The following KIF12 variants were observed in gnomAD, a reference collection of about 807,000 sequenced individuals.
KIF12 encodes the protein kinesin family member 12, also known as kinesin-like protein KIF12.
In KIF12, 80 loss-of-function variants were observed where a neutral mutation model predicts 87.9. The ratio of observed to expected loss-of-function variants is 0.91; its 90% CI spans 0.76 to 1.10. The LOEUF (loss-of-function observed/expected upper bound fraction) is 1.10, where lower values mean the gene tolerates loss of function less well. KIF12 is among the 50% of genes least tolerant of loss of function. The pLI, the probability that KIF12 is intolerant of heterozygous loss-of-function variation, is 0.00. For synonymous variants in KIF12, 353 were observed against 348.5 expected, an observed-to-expected ratio of 1.01 and a Z score of -0.14; for missense variants, 819 against 865.3, an observed-to-expected ratio of 0.95 and a Z score of 0.67.
rs1176138810 is a variant in KIF12, at chr9:114,094,172, G to A, written c.1313+9C>T. On this transcript the variant is annotated intron_variant, in intron 13 of 18. Transcript: ENST00000640217. Reference sequence around the variant, plus strand: ...AGCAGCATCCCTCTGGCTGTGGGCTGTGCCCTACCTGAGCCTCTCATTCTC... The same window carrying A: ...AGCAGCATCCCTCTGGCTGTGGGCTATGCCCTACCTGAGCCTCTCATTCTC... 1 of 1,611,514 alleles carries A rather than the reference G, an allele frequency of 6.2e-7. No homozygotes were observed. The highest frequency in any genetic ancestry group is 1.1e-5 in the South Asian group (1 of 91,040).
rs1847004218 is a variant in KIF12, at chr9:114,091,703, C to T, written c.*158G>A. 1 of 662,444 alleles carries T rather than the reference C, an allele frequency of 1.5e-6. No homozygotes were observed. The highest frequency in any genetic ancestry group is 2.5e-6 in the Non-Finnish European group (1 of 408,136). The allele number at this position is 662,444 out of a possible 1,614,324, so 41.0% of individuals were successfully genotyped here. On this transcript the variant is annotated 3_prime_UTR_variant, in exon 19 of 19. Coordinates refer to ENST00000640217, the MANE Select transcript of KIF12 (RefSeq NM_001388308.1). ...TGCTGCCTGGTTTCTCCTGAATCCC[C>T]TTGTTCCCCTAAATAGCACCCCCAG...
rs746718846 is a variant in KIF12, at chr9:114,093,977, G to C, written c.1314-5C>G. 1.9e-6 allele frequency: 3 copies of C among 1,613,548 alleles called. No individual in the cohort carries two copies. The Admixed American group carries it at 5.0e-5, about 27-fold the overall frequency. On this transcript the variant is annotated splice_polypyrimidine_tract_variant and splice_region_variant and intron_variant, in intron 13 of 18. Transcript: ENST00000640217. ...TGCAGCTGGCTCTTTTCTTTCCTAG[G>C]GGAGATCACAAGCCAGGAAGGGGTA...
chr9:114,094,821 T>C (rs904515189), intron 11 of KIF12, among the ~76,000 whole-genome samples: 1 of 152,166 alleles, frequency 6.6e-6, no homozygotes, highest in Non-Finnish European at 1.5e-5. Flanking sequence ...ACTCCAACCC[T>C]AGACCTGCCC....
chr9:114,096,618 G>A (rs1239848591), intron 7 of KIF12, 140 bp from the exon 8 acceptor site: 1 of 703,674 alleles, frequency 1.4e-6, no homozygotes, highest in Non-Finnish European at 2.5e-6. Context: ...TGTTGTTCAG[G>A]GAACGATGGG....
rs190594880 is a variant in KIF12 at position 114,095,142 on chromosome 9, C to T, written c.1015-15G>A. ...ACGCAGGCCACCTGGGGAGTGCACT[C>T]CCCCTGAGCGCTCCTCTCTGAGGGC... On this transcript the variant is annotated splice_polypyrimidine_tract_variant and intron_variant, in intron 10 of 18. Coordinates refer to ENST00000640217, the MANE Select transcript of KIF12 (RefSeq NM_001388308.1). 92 of 1,606,566 alleles carry T rather than the reference C, an allele frequency of 5.7e-5. No individual in the cohort carries two copies. The African/African-American group carries it at 8.9e-4, about 16-fold the overall frequency.
chr9:114,096,016 G>C (rs1847211082), intron 9 of KIF12, 35 bp downstream of exon 9: 1 of 1,583,902 alleles, frequency 6.3e-7, no homozygotes, highest in Admixed American at 1.7e-5. Flanking sequence ...ACAGAGGAGA[G>C]ACAGGAAATC....
chr9:114,093,555 T>C, intron 14 of KIF12, 58 bp from the exon 15 acceptor site: 1 of 1,380,992 alleles, frequency 7.2e-7, no homozygotes, highest in South Asian at 1.2e-5. Flanking sequence ...CAAGCTGGCT[T>C]TCAAATCCCC....
In KIF12 at chr9:114,095,300, G is replaced by T. The variant is rs202118457; in HGVS notation, c.928C>A (p.Arg310=). ...CGGAAAGGGATGTGGCTCTGCTTCC[G>T]CTGTGGGTCCAGCAGCAGGGAGATG... ...HCISLLLDPQ[R]KQSHIPFRDS... is the part of the protein sequence containing the mutation. The change falls in exon 10 of 19, where the codon CGG becomes AGG. Residue 310 remains arginine (R), a synonymous_variant. Transcript: ENST00000640217. 11 of 1,613,638 alleles carry T rather than the reference G, an allele frequency of 6.8e-6. No homozygotes were observed. Among genetic ancestry groups the T allele is most frequent in the East Asian group, 4.5e-5 (2 of 44,876 alleles).
In KIF12 at chr9:114,094,219, C is replaced by G. The variant is rs760675645; in HGVS notation, c.1275G>C (p.Gly425=). The G allele has an allele frequency of 8.7e-6, 14 of 1,613,856 alleles. No homozygotes were observed. Among genetic ancestry groups the G allele is most frequent in the South Asian group, 7.7e-5 (7 of 91,090 alleles). The change falls in exon 13 of 19, where the codon GGG becomes GGC. Residue 425 remains glycine, a synonymous_variant. Transcript: ENST00000640217. ...RVAWAQRNLY[G]MLQEFMLENE... is the part of the protein sequence containing the mutation. The stretch of plus-strand genomic sequence containing the variant: ...TCTCTAGCATGAACTCCTGTAGCAT[C>G]CCGTACAGGTTCCGCTGGGCCCAGG...
In KIF12 at chr9:114,094,333, T is replaced by C. The variant is rs1847119103; in HGVS notation, c.1222+20A>G. On this transcript the variant is annotated intron_variant, in intron 12 of 18. Coordinates refer to ENST00000640217, the MANE Select transcript of KIF12 (RefSeq NM_001388308.1). Reference sequence around the variant, plus strand: ...CCCAGACCCTATCCCCATCCTACTCTGCCTCCAGGAAGCCCATACCCTTGC... The same window carrying C: ...CCCAGACCCTATCCCCATCCTACTCCGCCTCCAGGAAGCCCATACCCTTGC... 1 of 1,611,168 alleles carries C rather than the reference T, an allele frequency of 6.2e-7. No homozygotes were observed. Among genetic ancestry groups the C allele is most frequent in the Non-Finnish European group, 8.5e-7 (1 of 1,177,410 alleles).
rs996809667 is a variant in KIF12 at position 114,099,088 on chromosome 9, G to C, written c.92+16C>G. The stretch of plus-strand genomic sequence containing the variant: ...CCTTGTCTCGCCCAGGTGCCTCCTA[G>C]CCAATTTATACCCACCTGAGCACCA... On this transcript the variant is annotated intron_variant, in intron 2 of 18. Transcript: ENST00000640217. 2 of 1,550,442 alleles carry C rather than the reference G, an allele frequency of 1.3e-6. No individual in the cohort carries two copies. Among genetic ancestry groups the C allele is most frequent in the Admixed American group, 3.9e-5 (2 of 50,986 alleles).
At position 114,095,229 on chromosome 9, in the gene KIF12, G is replaced by C. The variant is rs145086953; in HGVS notation, c.999C>G (p.Arg333=). ...TKLLADSLGG[R]GVTLMVACVS... is the part of the protein sequence containing the mutation. ...GCTTAAGTACCATGAGGGTGACCCC[G>C]CGCCCTCCCAGTGAGTCTGCCAGCA... Residue 333 remains arginine (R), a synonymous_variant, in exon 10 of 19, where the codon CGC becomes CGG. Transcript: ENST00000640217. 9.9e-6 allele frequency: 16 copies of C among 1,613,692 alleles called. No individual in the cohort carries two copies. Among genetic ancestry groups the C allele is most frequent in the Non-Finnish European group, 1.4e-5 (16 of 1,179,992 alleles).
At position 114,093,330 on chromosome 9, in the gene KIF12, G is replaced by A; in HGVS notation, c.1495C>T (p.Leu499=). 6.4e-7 allele frequency: 1 copy of A among 1,557,744 alleles called. No individual in the cohort carries two copies. Among genetic ancestry groups the A allele is most frequent in the Non-Finnish European group, 8.7e-7 (1 of 1,150,168 alleles). Residue 499 remains leucine (L), a synonymous_variant, in exon 16 of 19, where the codon CTG becomes TTG. Transcript: ENST00000640217. ...CAGGGGCAGGAGTAGAGGGGTGGCA[G>A]TGCCTGCAAAAAGGTGCGTCAGAGG... ...LMAPAPPCHA[L]PPLYSCPCCH...
At chr9:114,097,245 GAAC>G (rs1383753756) in intron 7 of KIF12, 53 bp downstream of exon 7, 35 of 1,578,480 alleles carry the variant, frequency 2.2e-5, no homozygotes, top group Non-Finnish European at 2.8e-5. Flanking sequence ...CACACTCAGT[GAAC>G]AACTGAGGAA....
chr9:114,096,230 G>A lies in KIF12; in HGVS notation c.739-23C>T, dbSNP rs747088229. ...GGCCTGAGGGATCAGAGCTTCATGGGGACTTGGGAGGGACCGTCCCCATCA... is the reference window on the plus strand; with the variant it reads ...GGCCTGAGGGATCAGAGCTTCATGGAGACTTGGGAGGGACCGTCCCCATCA... On this transcript the variant is annotated intron_variant, in intron 8 of 18. Transcript: ENST00000640217. 1.7e-5 allele frequency: 27 copies of A among 1,612,874 alleles called. No homozygotes were observed. In the East Asian group the frequency reaches 3.6e-4, roughly 21 times the overall value.
intron 3 of KIF12, 57 bp from the exon 4 acceptor site, chr9:114,098,486 AG>A (rs1348773909): frequency 3.6e-6 from 4 of 1,120,964 alleles, no homozygotes; most frequent in African/African-American, 2.4e-5. Context: ...GGCACCCTGG[AG>A]GGGCGGGGCA....
At position 114,093,911 on chromosome 9, in the gene KIF12, C is replaced by T; in HGVS notation, c.1375G>A (p.Ala459Thr). The T allele has an allele frequency of 1.2e-6, 2 of 1,614,100 alleles. No homozygotes were observed. The highest frequency in any genetic ancestry group is 3.3e-5 in the Admixed American group (2 of 60,024). ...CTCTCTAGTGCATGGACCTGCTGGG[C>T]CAGGATGCGCTGCTCATTCTGGGCC... ...DLAQNEQRIL[A>T]QQVHALERRL... The change falls in exon 14 of 19, where the codon GCC becomes ACC. Residue 459 changes from alanine to threonine, a missense_variant. Physicochemically the swap from Ala to Thr is moderately conservative, Grantham distance 58 (BLOSUM62 0). Transcript: ENST00000640217.
intron 16 of KIF12, chr9:114,092,911 T>C (rs1429677535): frequency 4.4e-5 from 63 of 1,431,288 alleles, no homozygotes; most frequent in Non-Finnish European, 5.5e-5. Context: ...GAGGCTGGTA[T>C]AAAGCAAGGA....
At chr9:114,095,392 G>T in intron 9 of KIF12, 60 bp from the exon 10 acceptor site, 8 of 1,543,604 alleles carry the variant, frequency 5.2e-6, no homozygotes, top group Non-Finnish European at 7.0e-6. Flanking sequence ...CATCAGGCTG[G>T]GATGCTGCAG....
Sources: gnomAD v4.1 joint callset for allele counts (sites outside exome capture counted in the v4.1 genomes callset) on GRCh38, gnomAD v4.1.1 for gene constraint, MANE v1.5 for transcripts, NCBI Gene and HGNC (gene_info 2026-07-23, HGNC 2026-07-21) for gene names.